The following POLD3 variants were observed in gnomAD, a reference collection of about 807,000 sequenced individuals.
POLD3 encodes the protein DNA polymerase delta subunit 3.
In POLD3, 19 loss-of-function variants were observed where a neutral mutation model predicts 58.2. The observed-to-expected ratio is 0.33, with a 90% CI of 0.23 to 0.48. The LOEUF (loss-of-function observed/expected upper bound fraction) is 0.48. Ranked by LOEUF, POLD3 falls within the 20% of genes least tolerant of loss-of-function variation. The pLI is 0.99. For synonymous variants in POLD3, 172 were observed against 193.5 expected (o/e 0.89, Z 0.92); for missense variants, 504 against 545.5 (o/e 0.92, Z 0.76).
intron 6 of POLD3, among the ~76,000 whole-genome samples, chr11:74,619,100 A>G (rs1045818691): frequency 3.9e-5 from 6 of 152,198 alleles, no homozygotes; most frequent in Admixed American, 3.3e-4. Context: ...CACCTCGAGA[A>G]TTGTTGACAT....
chr11:74,640,307 GGC>G, intron 11 of POLD3, among the ~76,000 whole-genome samples: 2 of 152,344 alleles, frequency 1.3e-5, no homozygotes, highest in Admixed American at 1.3e-4. Flanking sequence ...GCCATTTAAA[GGC>G]ATGGGATATA....
chr11:74,636,857 A>G lies in POLD3; in HGVS notation c.1198+582A>G, dbSNP rs117710612. ...TGTTAGGTAAAAGCATGTGCTTGTT[A>G]TGAAGGCCTAGGGAGGAATTAGAGT... On this transcript the variant is annotated intron_variant, in intron 11 of 11. Transcript: ENST00000263681. Among the ~76,000 whole-genome samples the G allele has an allele frequency of 2.8e-3, 422 of 152,298 alleles. 1 individual carries two copies. The highest frequency in any genetic ancestry group is 8.1e-3 in the South Asian group (39 of 4,826).
In POLD3 at chr11:74,629,234, T is replaced by C; in HGVS notation, c.917T>C (p.Leu306Ser). 1 of 1,601,756 alleles carries C rather than the reference T, an allele frequency of 6.2e-7. No individual in the cohort carries two copies. Among genetic ancestry groups the C allele is most frequent in the Non-Finnish European group, 8.5e-7 (1 of 1,172,362 alleles). Residue 306 changes from leucine to serine, a missense_variant, in exon 9 of 12, where the codon TTA (leucine) becomes TCA (serine). This residue lies in a region of POLD3 where 385 missense variants were observed against 370.5 expected (regional missense o/e 1.04). Coordinates refer to ENST00000263681, the MANE Select transcript of POLD3 (RefSeq NM_006591.3). ...GGCAACAGGGGGAAGCGAGTAGCAT[T>C]ATCTGATGATGAGACAAAGGAAACT... is the stretch of plus-strand genomic sequence containing the variant. ...KEKKRGKRVALSDDETKETEN... is the reference protein window; with the variant it reads ...KEKKRGKRVASSDDETKETEN...
chr11:74,610,632 G>T (rs545032134), intron 3 of POLD3, among the ~76,000 whole-genome samples: 8 of 148,322 alleles, frequency 5.4e-5, no homozygotes, highest in Admixed American at 3.4e-4. Flanking sequence ...TTGTACTTAC[G>T]TTTTTTTTTC....
intron 4 of POLD3, among the ~76,000 whole-genome samples, chr11:74,658,001 A>T (rs2033158612): frequency 6.6e-6 from 1 of 152,148 alleles, no homozygotes; most frequent in African/African-American, 2.4e-5. Flanking sequence ...GCCTCAAGGT[A>T]GTCAAGTTAA....
intron 1 of POLD3, among the ~76,000 whole-genome samples, chr11:74,593,413 C>T (rs1445865278): frequency 6.6e-6 from 1 of 152,196 alleles, no homozygotes; most frequent in Non-Finnish European, 1.5e-5. Flanking sequence ...TGTCCTCTTA[C>T]TAATGCTTTC....
At chr11:74,625,640 A>C (rs1056592048) in intron 8 of POLD3, 67 bp downstream of exon 8, 2 of 1,348,610 alleles carry the variant, frequency 1.5e-6, no homozygotes, top group East Asian at 4.8e-5. Context: ...CTTTGGGCTT[A>C]TTGACAGCAG....
At chr11:74,651,466 G>A (rs1344909560) in intron 4 of POLD3, among the ~76,000 whole-genome samples, 2 of 152,128 alleles carry the variant, frequency 1.3e-5, no homozygotes, top group Non-Finnish European at 2.9e-5. Flanking sequence ...AACAGAACGT[G>A]CTCTCAAGGA....
At chr11:74,595,804 G>C (rs989608060) in intron 2 of POLD3, among the ~76,000 whole-genome samples, 6 of 152,224 alleles carry the variant, frequency 3.9e-5, no homozygotes, top group African/African-American at 1.4e-4. Flanking sequence ...TTTTTGTAGA[G>C]ATGGAGTCCC....
downstream of POLD3, among the ~76,000 whole-genome samples, chr11:74,644,156 C>G (rs151158738): frequency 2.0e-5 from 3 of 152,236 alleles, no homozygotes; most frequent in Non-Finnish European, 4.4e-5. Flanking sequence ...TTTAAGAAGA[C>G]ATTAGTTATT....
chr11:74,644,417 C>T (rs2032975330), downstream of POLD3, among the ~76,000 whole-genome samples: 1 of 152,196 alleles, frequency 6.6e-6, no homozygotes. Context: ...TGAGTTATTG[C>T]CCTGGCAGCT....
downstream of POLD3, among the ~76,000 whole-genome samples, chr11:74,643,676 TG>T (rs2135188630): frequency 6.6e-6 from 1 of 152,196 alleles, no homozygotes; most frequent in Admixed American, 6.5e-5. Flanking sequence ...GGGAGGAAAA[TG>T]TATTCAGAAA....
chr11:74,637,498 G>T (rs978011159), intron 11 of POLD3, among the ~76,000 whole-genome samples: 4 of 137,292 alleles, frequency 2.9e-5, no homozygotes, highest in African/African-American at 1.1e-4. Context: ...TCTTGGTTTG[G>T]CCATGGGTGA....
At position 74,636,256 on chromosome 11, in the gene POLD3, G is replaced by A. The variant is rs1328563163; in HGVS notation, c.1179G>A (p.Leu393=). The A allele has an allele frequency of 2.5e-6, 4 of 1,612,764 alleles. No homozygotes were observed. In the South Asian group the frequency reaches 4.4e-5, roughly 18 times the overall value. ...RKRVLKSKTY[L]DGEGCIVTEK... ...GCGTACTAAAATCTAAAACTTACCT[G>A]GATGGGGAAGGCTGCATAGGTAAGA... Residue 393 remains leucine (L), a synonymous_variant, in exon 11 of 12, where the codon CTG becomes CTA. Coordinates refer to ENST00000263681, the MANE Select transcript of POLD3 (RefSeq NM_006591.3).
At chr11:74,656,179 T>C (rs2135196880) in intron 4 of POLD3, among the ~76,000 whole-genome samples, 1 of 152,374 alleles carries the variant, frequency 6.6e-6, no homozygotes, top group African/African-American at 2.4e-5. Flanking sequence ...ACTAGGTTAT[T>C]TGAAGTTTTT....
chr11:74,656,060 A>G (rs1032888178), intron 4 of POLD3, among the ~76,000 whole-genome samples: 1 of 152,240 alleles, frequency 6.6e-6, no homozygotes, highest in Non-Finnish European at 1.5e-5. Flanking sequence ...TAAAAATAAC[A>G]TTTAAAATGC....
chr11:74,637,096 C>A (rs759036027), intron 11 of POLD3, among the ~76,000 whole-genome samples: 3 of 151,682 alleles, frequency 2.0e-5, no homozygotes, highest in African/African-American at 4.8e-5. Flanking sequence ...GTCATTTTGC[C>A]TTTTGTGGCA....
intron 2 of POLD3, among the ~76,000 whole-genome samples, chr11:74,597,814 G>A (rs191119733): frequency 1.3e-5 from 2 of 152,306 alleles, no homozygotes; most frequent in South Asian, 2.1e-4. Flanking sequence ...TGGCTCAGTT[G>A]TATTAGTCCC....
intron 11 of POLD3, among the ~76,000 whole-genome samples, chr11:74,639,123 C>T (rs913160839): frequency 2.0e-5 from 3 of 152,136 alleles, no homozygotes; most frequent in African/African-American, 7.2e-5. Context: ...GTGTGGTCCC[C>T]AGACCAGCAG....
Sources: gnomAD v4.1 joint callset for allele counts (sites outside exome capture counted in the v4.1 genomes callset) on GRCh38, gnomAD v4.1.1 for gene constraint, gnomAD v4.1.1 regional missense constraint, MANE v1.5 for transcripts, NCBI Gene and HGNC (gene_info 2026-07-23, HGNC 2026-07-21) for gene names.